CLASP1: variants seen among roughly 807,000 people sequenced by gnomAD.
CLASP1 encodes the protein CLIP-associating protein 1.
A neutral mutation model predicts 192.3 loss-of-function variants in CLASP1; 38 were observed. The ratio of observed to expected loss-of-function variants is 0.20; its 90% CI spans 0.15 to 0.26. The LOEUF is 0.26. Ranked by LOEUF, CLASP1 falls within the 10% of genes least tolerant of loss-of-function variation. The pLI, the probability that CLASP1 is intolerant of heterozygous loss-of-function variation, is 1.00. For missense variants in CLASP1, 1,433 were observed against 1,932.5 expected, an observed-to-expected ratio of 0.74 and a Z score of 4.85; for synonymous variants, 691 against 712.8, an observed-to-expected ratio of 0.97 and a Z score of 0.49.
exon 40 of CLASP1, chr2:121,340,936 T>C: frequency 1.9e-6 from 3 of 1,604,816 alleles, no homozygotes; most frequent in Non-Finnish European, 2.6e-6. Context: ...TGTATAAGTT[T>C]AGTAGCTTCA....
At chr2:121,451,215 C>G (rs1175458913) in intron 15 of CLASP1, among the ~76,000 whole-genome samples, 1 of 152,200 alleles carries the variant, frequency 6.6e-6, no homozygotes, top group South Asian at 2.1e-4. Flanking sequence ...CTACCCACGC[C>G]TAAGGACTTT....
At chr2:121,355,827 A>C (rs2065280156) in intron 37 of CLASP1, among the ~76,000 whole-genome samples, 1 of 152,244 alleles carries the variant, frequency 6.6e-6, no homozygotes, top group Admixed American at 6.5e-5. Flanking sequence ...CTATTCAAAG[A>C]GGACAGGATC....
chr2:121,481,182 T>C (rs2092569275), intron 8 of CLASP1, among the ~76,000 whole-genome samples: 1 of 152,248 alleles, frequency 6.6e-6, no homozygotes, highest in African/African-American at 2.4e-5. Context: ...GCAGCTATTT[T>C]ATACCCTCAT....
chr2:121,377,900 C>T (rs151004393), intron 33 of CLASP1, among the ~76,000 whole-genome samples: 1 of 151,854 alleles, frequency 6.6e-6, no homozygotes, highest in Non-Finnish European at 1.5e-5. Flanking sequence ...ACAGTAACCA[C>T]GAGAATGCAG....
intron 39 of CLASP1, among the ~76,000 whole-genome samples, chr2:121,343,671 A>G (rs2063073235): frequency 6.6e-6 from 1 of 152,220 alleles, no homozygotes; most frequent in Admixed American, 6.5e-5. Flanking sequence ...GAAAGAAGGA[A>G]ATAGGAAATT....
intron 2 of CLASP1, among the ~76,000 whole-genome samples, chr2:121,562,500 C>T (rs2059174589): frequency 6.6e-6 from 1 of 152,178 alleles, no homozygotes. Context: ...CCATGACAGG[C>T]TACAACACAA....
intron 8 of CLASP1, among the ~76,000 whole-genome samples, chr2:121,475,665 C>T (rs1219142044): frequency 6.6e-6 from 1 of 152,200 alleles, no homozygotes; most frequent in Non-Finnish European, 1.5e-5. Flanking sequence ...TTAACTAAGG[C>T]AGAAATGGGT....
chr2:121,364,156 A>C (rs996221104), intron 36 of CLASP1: 10 of 152,250 alleles, frequency 6.6e-5, no homozygotes, highest in African/African-American at 2.4e-4. Flanking sequence ...CAAACCATTA[A>C]TCCAAAGCAT....
rs71398038 is a variant in CLASP1, at chr2:121,633,007, C to CATATAT, written c.-286+16359_-286+16364dup. On this transcript the variant is annotated intron_variant, in intron 1 of 39. Coordinates refer to ENST00000263710, the Ensembl canonical transcript of CLASP1. ...GTGTGTATATATATGTATGTGTGTG[C>CATATAT]ATATATATATATATATATATAGGCT... is the stretch of plus-strand genomic sequence containing the variant. Among the ~76,000 whole-genome samples, 783 of 115,548 alleles carry CATATAT rather than the reference C, an allele frequency of 6.8e-3. 35 individuals are homozygous for CATATAT. Among genetic ancestry groups the CATATAT allele is most frequent in the African/African-American group, 0.026 (697 of 26,506 alleles). The allele number at this position is 115,548 out of a possible 152,430, so 75.8% of individuals were successfully genotyped here. A position where few individuals can be genotyped will look rare whatever the true frequency, so the allele number is the denominator to read the frequency against.
chr2:121,593,811 G>C (rs1048240080), intron 2 of CLASP1, among the ~76,000 whole-genome samples: 1 of 151,074 alleles, frequency 6.6e-6, no homozygotes, highest in African/African-American at 2.4e-5. Context: ...GGGAGTTCAA[G>C]ACCAGCATGA....
intron 2 of CLASP1, among the ~76,000 whole-genome samples, chr2:121,598,089 G>A (rs748561770): frequency 6.6e-6 from 1 of 152,100 alleles, no homozygotes; most frequent in South Asian, 2.1e-4. Context: ...TCAAAATTTG[G>A]GGTTATTTTT....
intron 28 of CLASP1, among the ~76,000 whole-genome samples, chr2:121,399,222 T>C (rs1223218693): frequency 6.6e-6 from 1 of 152,096 alleles, no homozygotes; most frequent in Non-Finnish European, 1.5e-5. Context: ...GTCAATAAAA[T>C]CATACAATAA....
intron 2 of CLASP1, among the ~76,000 whole-genome samples, chr2:121,573,963 TGC>T (rs1391603639): frequency 6.6e-6 from 1 of 152,070 alleles, no homozygotes; most frequent in Non-Finnish European, 1.5e-5. Flanking sequence ...GTTACCAGGG[TGC>T]CTGGGGGATT....
intron 1 of CLASP1, among the ~76,000 whole-genome samples, chr2:121,625,505 G>T (rs1019563945): frequency 1.4e-5 from 2 of 146,370 alleles, no homozygotes; most frequent in Non-Finnish European, 1.5e-5. Flanking sequence ...CACAATCTCG[G>T]CTCAATGCAA....
At chr2:121,477,876 T>A (rs1422168325) in intron 8 of CLASP1, among the ~76,000 whole-genome samples, 1 of 152,212 alleles carries the variant, frequency 6.6e-6, no homozygotes, top group East Asian at 1.9e-4. Flanking sequence ...TAAATCCTCC[T>A]GACAACGCTG....
rs531697180 is a variant in CLASP1 at position 121,647,636 on chromosome 2, A to G, written c.-286+1736T>C. ...ATTAAAAAAAAAGTTTACCTCTTTT[A>G]CATAAATAAAGTGGAATCTGTGGGT... On this transcript the variant is annotated intron_variant, in intron 1 of 39. Coordinates refer to ENST00000263710, the Ensembl canonical transcript of CLASP1. Among the ~76,000 whole-genome samples, 158 of 152,366 alleles carry G rather than the reference A, an allele frequency of 1.0e-3. 2 individuals carry two copies. The South Asian group carries it at 0.013, about 13-fold the overall frequency.
chr2:121,519,403 G>A (rs2094404997), intron 6 of CLASP1, among the ~76,000 whole-genome samples: 1 of 152,218 alleles, frequency 6.6e-6, no homozygotes, highest in South Asian at 2.1e-4. Context: ...AGGGACAGAA[G>A]AGGGATAAGG....
At chr2:121,606,584 T>TC (rs1160578691) in intron 1 of CLASP1, among the ~76,000 whole-genome samples, 1 of 152,092 alleles carries the variant, frequency 6.6e-6, no homozygotes, top group Non-Finnish European at 1.5e-5. Flanking sequence ...CTCTCAGTCT[T>TC]CTAAAAAAAA....
At chr2:121,607,079 C>T (rs1314692948) in intron 1 of CLASP1, among the ~76,000 whole-genome samples, 1 of 151,070 alleles carries the variant, frequency 6.6e-6, no homozygotes, top group Non-Finnish European at 1.5e-5. Flanking sequence ...CGGTGGCTCA[C>T]ACCTGTAATC....
Sources: gnomAD v4.1 joint callset for allele counts (sites outside exome capture counted in the v4.1 genomes callset) on GRCh38, gnomAD v4.1.1 for gene constraint, MANE v1.5 for transcripts, NCBI Gene and HGNC (gene_info 2026-07-23, HGNC 2026-07-21) for gene names.